SAMMSON: variants seen among roughly 807,000 people sequenced by gnomAD.
SAMMSON encodes long intergenic non-protein coding RNA 1212.
At chr3:70,000,614 C>CTAT (rs2066902244) in intron 1 of SAMMSON, among the ~76,000 whole-genome samples, 1 of 152,114 alleles carries the variant, frequency 6.6e-6, no homozygotes, top group Non-Finnish European at 1.5e-5. Context: ...ACAGAATGTT[C>CTAT]TATGCTTACT....
intron 2 of SAMMSON, among the ~76,000 whole-genome samples, chr3:70,429,458 T>G (rs1157389936): frequency 2.0e-5 from 3 of 152,174 alleles, no homozygotes; most frequent in African/African-American, 7.2e-5. Flanking sequence ...GGCTCTTTTT[T>G]GGTTCCATAT....
chr3:70,346,309 TTG>T (rs1702750193), intron 7 of SAMMSON, among the ~76,000 whole-genome samples: 1 of 85,288 alleles, frequency 1.2e-5, no homozygotes, highest in South Asian at 3.2e-4. Context: ...CTTTTGCTCA[TTG>T]TTTTTTTTTT....
At chr3:70,098,892 CTA>C (rs1266358271) in intron 4 of SAMMSON, among the ~76,000 whole-genome samples, 3 of 152,108 alleles carry the variant, frequency 2.0e-5, no homozygotes, top group Non-Finnish European at 4.4e-5. Context: ...TTTACTATAT[CTA>C]TGTGTGTCTT....
At chr3:70,072,942 G>C (rs1335056715) in intron 4 of SAMMSON, among the ~76,000 whole-genome samples, 1 of 152,004 alleles carries the variant, frequency 6.6e-6, no homozygotes, top group East Asian at 1.9e-4. Context: ...GTAAATGTTT[G>C]GTTAAAAGAA....
intron 2 of SAMMSON, among the ~76,000 whole-genome samples, chr3:70,409,658 A>G (rs1314471788): frequency 6.6e-6 from 1 of 152,140 alleles, no homozygotes; most frequent in East Asian, 1.9e-4. Context: ...GGCTCTTTGG[A>G]ACCAAAGATC....
chr3:70,040,344 T>C (rs2107586329), intron 3 of SAMMSON, among the ~76,000 whole-genome samples: 1 of 152,286 alleles, frequency 6.6e-6, no homozygotes, highest in East Asian at 1.9e-4. Context: ...ATATTCAACC[T>C]GTTCTCTAAT....
At chr3:70,063,109 ACTTTC>A (rs1171132352) in intron 3 of SAMMSON, among the ~76,000 whole-genome samples, 1 of 130,248 alleles carries the variant, frequency 7.7e-6, no homozygotes, top group Non-Finnish European at 1.6e-5. Context: ...CGCCGCATTG[ACTTTC>A]CTTGAAATGC....
intron 7 of SAMMSON, among the ~76,000 whole-genome samples, chr3:70,327,346 C>T (rs994768054): frequency 5.3e-5 from 8 of 152,118 alleles, no homozygotes; most frequent in African/African-American, 1.9e-4. Context: ...CTGTGCAGGA[C>T]AGTGACCCCT....
chr3:70,167,733 G>A (rs943182575), intron 4 of SAMMSON, among the ~76,000 whole-genome samples: 8 of 151,864 alleles, frequency 5.3e-5, no homozygotes, highest in African/African-American at 1.9e-4. Context: ...CCTGATGAAC[G>A]TCAGCACCAA....
rs1021093349 is a variant in SAMMSON at position 70,116,287 on chromosome 3, G to GCTTT, written n.507+44727_507+44730dup. ...TTTCAAGTTTTAGGAGAAGGGCGAT[G>GCTTT]CTTTCTTTTTTTTTTTTTTTTTTAA... On this transcript the variant is annotated intron_variant and non_coding_transcript_variant, in intron 4 of 9. Transcript: ENST00000642114. Among the ~76,000 whole-genome samples, 3 of 87,238 alleles carry GCTTT rather than the reference G, an allele frequency of 3.4e-5. No individual in the cohort carries two copies. In the South Asian group the frequency reaches 1.7e-3, roughly 48 times the overall value. The allele number at this position is 87,238 out of a possible 152,430, so 57.2% of individuals were successfully genotyped here. A position where few individuals can be genotyped will look rare whatever the true frequency, so the allele number is the denominator to read the frequency against.
At chr3:70,223,734 G>A (rs1416436992) in intron 4 of SAMMSON, among the ~76,000 whole-genome samples, 1 of 152,144 alleles carries the variant, frequency 6.6e-6, no homozygotes, top group African/African-American at 2.4e-5. Context: ...GACCAGGTCA[G>A]CTCCAAGCTG....
intron 7 of SAMMSON, among the ~76,000 whole-genome samples, chr3:70,314,548 A>G (rs556293739): frequency 6.6e-6 from 1 of 152,314 alleles, no homozygotes; most frequent in South Asian, 2.1e-4. Context: ...AGCAATGAGC[A>G]GAGACAACAC....
chr3:70,005,058 TTCTC>T (rs958456611), intron 1 of SAMMSON, among the ~76,000 whole-genome samples: 1 of 152,210 alleles, frequency 6.6e-6, no homozygotes, highest in African/African-American at 2.4e-5. Flanking sequence ...TCTGAGTGCG[TTCTC>T]TCTCTTTGCT....
intron 3 of SAMMSON, among the ~76,000 whole-genome samples, chr3:70,049,412 G>A (rs944480702): frequency 6.6e-6 from 1 of 152,170 alleles, no homozygotes; most frequent in Non-Finnish European, 1.5e-5. Flanking sequence ...ATGTGGATAT[G>A]TACATAAATG....
At chr3:70,060,759 T>C (rs2067184817) in intron 3 of SAMMSON, among the ~76,000 whole-genome samples, 1 of 152,106 alleles carries the variant, frequency 6.6e-6, no homozygotes, top group Non-Finnish European at 1.5e-5. Context: ...AGTGCTTCAG[T>C]ACCCTGATCT....
chr3:70,343,054 G>A (rs989388625), intron 7 of SAMMSON, among the ~76,000 whole-genome samples: 4 of 152,122 alleles, frequency 2.6e-5, no homozygotes, highest in Non-Finnish European at 5.9e-5. Flanking sequence ...TGTACTTGAA[G>A]CCAATTCCTC....
intron 9 of SAMMSON, among the ~76,000 whole-genome samples, chr3:70,382,005 T>C (rs1399079692): frequency 3.3e-5 from 5 of 152,116 alleles, no homozygotes; most frequent in African/African-American, 1.2e-4. Flanking sequence ...CATATTGTGA[T>C]TATGTGGGAA....
intron 3 of SAMMSON, among the ~76,000 whole-genome samples, chr3:70,054,435 C>T (rs73836029): frequency 0.018 from 2,762 of 152,214 alleles, 83 homozygotes; most frequent in African/African-American, 0.061. Flanking sequence ...TACCTCATAA[C>T]GCCTCCATTC....
At position 70,294,841 on chromosome 3, in the gene SAMMSON, C is replaced by T. The variant is rs149932069; in HGVS notation, n.739+3598C>T. ...ATGGTTTCCCAAGTTTCAAGCATCACGTAGCAATTTGATGGTATCCAAAAT... is the reference window on the plus strand; with the variant it reads ...ATGGTTTCCCAAGTTTCAAGCATCATGTAGCAATTTGATGGTATCCAAAAT... On this transcript the variant is annotated intron_variant and non_coding_transcript_variant, in intron 7 of 9. Transcript: ENST00000642114. Among the ~76,000 whole-genome samples the T allele has an allele frequency of 3.9e-5, 6 of 152,112 alleles. No individual in the cohort carries two copies. In the South Asian group the frequency reaches 6.2e-4, roughly 16 times the overall value.
Sources: gnomAD v4.1 joint callset for allele counts (sites outside exome capture counted in the v4.1 genomes callset) on GRCh38, gnomAD v4.1.1 for gene constraint, MANE v1.5 for transcripts, NCBI Gene and HGNC (gene_info 2026-07-23, HGNC 2026-07-21) for gene names.